The following BTBD9 variants were observed in gnomAD, a reference collection of about 807,000 sequenced individuals.
The protein encoded by BTBD9 is BTB/POZ domain-containing protein 9.
BTBD9 carries 49 observed loss-of-function variants against 64.3 expected under a neutral mutation model. The ratio of observed to expected loss-of-function variants is 0.76; its 90% CI spans 0.61 to 0.97. BTBD9 has a LOEUF of 0.97. Among genes scored for constraint, BTBD9 ranks in the 50% least tolerant of loss-of-function variants. BTBD9 has a pLI of 0.00. For synonymous variants in BTBD9, 260 were observed against 274.7 expected (o/e 0.95, Z 0.53); for missense variants, 598 against 762.1 (o/e 0.78, Z 2.53).
chr6:38,344,745 C>A (rs1456319589), intron 7 of BTBD9, among the ~76,000 whole-genome samples: 1 of 152,180 alleles, frequency 6.6e-6, no homozygotes, highest in East Asian at 1.9e-4. Flanking sequence ...GAATGAATTA[C>A]TAAAATATTT....
At chr6:38,223,611 A>T (rs746118177) in intron 9 of BTBD9, among the ~76,000 whole-genome samples, 5 of 152,158 alleles carry the variant, frequency 3.3e-5, no homozygotes, top group Non-Finnish European at 7.3e-5. Flanking sequence ...GTGCTAGATT[A>T]TAGGTGTGAA....
intron 6 of BTBD9, among the ~76,000 whole-genome samples, chr6:38,445,847 G>A (rs1031002738): frequency 6.6e-6 from 1 of 152,154 alleles, no homozygotes; most frequent in Non-Finnish European, 1.5e-5. Flanking sequence ...AAGGACAAAA[G>A]GCCACATGCT....
At chr6:38,588,554 G>C in intron 4 of BTBD9, 1 of 634,132 alleles carries the variant, frequency 1.6e-6, no homozygotes, top group Non-Finnish European at 2.4e-6. Flanking sequence ...ACCAATTAAT[G>C]TAGCTGCTAG....
At chr6:38,451,450 G>A (rs1488999612) in intron 6 of BTBD9, among the ~76,000 whole-genome samples, 2 of 152,120 alleles carry the variant, frequency 1.3e-5, no homozygotes, top group Admixed American at 1.3e-4. Context: ...TTCTTTCAGC[G>A]TTCTCAGGTA....
At chr6:38,588,296 C>A in intron 4 of BTBD9, 1 of 1,103,720 alleles carries the variant, frequency 9.1e-7, no homozygotes, top group Non-Finnish European at 1.4e-6. Context: ...CAGTACCAGG[C>A]AAGCAATTAT....
rs149546304 is a variant in BTBD9, at chr6:38,441,903, T to G, written c.1155-96810A>C. Among the ~76,000 whole-genome samples the G allele has an allele frequency of 3.1e-3, 474 of 152,242 alleles. 2 individuals are homozygous for G. The highest frequency in any genetic ancestry group is 0.011 in the African/African-American group (453 of 41,546). Reference sequence around the variant, plus strand: ...AAAGTTAAAGTCATACAGTTATACCTAAAGGTATACAACTAGAAAGTACAG... The same window carrying G: ...AAAGTTAAAGTCATACAGTTATACCGAAAGGTATACAACTAGAAAGTACAG... On this transcript the variant is annotated intron_variant, in intron 6 of 10. Coordinates refer to ENST00000481247, the MANE Select transcript of BTBD9 (RefSeq NM_001099272.2).
intron 4 of BTBD9, among the ~76,000 whole-genome samples, chr6:38,586,196 T>C (rs1476431591): frequency 6.6e-6 from 1 of 152,156 alleles, no homozygotes; most frequent in East Asian, 1.9e-4. Context: ...CTTTTTAGGA[T>C]AGATAGAAAT....
At chr6:38,491,011 G>A (rs1197726606) in intron 6 of BTBD9, among the ~76,000 whole-genome samples, 5 of 152,186 alleles carry the variant, frequency 3.3e-5, no homozygotes, top group African/African-American at 9.7e-5. Flanking sequence ...GATCCAAAAG[G>A]GATGTGGATG....
At chr6:38,536,371 C>T (rs1369254439) in intron 6 of BTBD9, among the ~76,000 whole-genome samples, 1 of 152,112 alleles carries the variant, frequency 6.6e-6, no homozygotes, top group East Asian at 1.9e-4. Flanking sequence ...TCGTACACTG[C>T]TGGTGGAAAT....
intron 6 of BTBD9, among the ~76,000 whole-genome samples, chr6:38,464,024 C>G (rs183163385): frequency 1.3e-5 from 2 of 151,314 alleles, no homozygotes; most frequent in East Asian, 1.9e-4. Context: ...AAAGTGAGAC[C>G]GTCTCAAAAA....
chr6:38,614,971 T>C (rs2127516983), intron 1 of BTBD9, among the ~76,000 whole-genome samples: 1 of 152,366 alleles, frequency 6.6e-6, no homozygotes, highest in Admixed American at 6.5e-5. Flanking sequence ...TCCACGGCTC[T>C]TATCGTAAAA....
chr6:38,496,486 A>T (rs763440128), intron 6 of BTBD9, among the ~76,000 whole-genome samples: 23 of 151,946 alleles, frequency 1.5e-4, no homozygotes, highest in Admixed American at 3.9e-4. Flanking sequence ...CTACAAAAAA[A>T]AAATTAAATT....
intron 1 of BTBD9, among the ~76,000 whole-genome samples, chr6:38,617,298 T>C (rs1182695161): frequency 6.6e-6 from 1 of 152,062 alleles, no homozygotes; most frequent in Non-Finnish European, 1.5e-5. Flanking sequence ...ACTCTCAAGG[T>C]TACATCACCC....
rs998141012 is a variant in BTBD9 at position 38,614,258 on chromosome 6, C to T, written c.-27-16137G>A. 2.6e-5 allele frequency among the ~76,000 whole-genome samples: 4 copies of T among 152,140 alleles called. No homozygotes were observed. In the East Asian group the frequency reaches 7.7e-4, roughly 29 times the overall value. On this transcript the variant is annotated intron_variant, in intron 1 of 10. Transcript: ENST00000481247. ...GTCACCTCTTCTGTCAGATTCTGTT[C>T]CCCCATCACCGCCCCTATCATACCT...
intron 6 of BTBD9, among the ~76,000 whole-genome samples, chr6:38,370,681 T>A (rs1163027642): frequency 1.3e-5 from 2 of 152,250 alleles, no homozygotes; most frequent in African/African-American, 4.8e-5. Context: ...CAGTTATTTT[T>A]AAATCAGATT....
intron 6 of BTBD9, among the ~76,000 whole-genome samples, chr6:38,549,701 T>C (rs1034659433): frequency 6.6e-6 from 1 of 152,194 alleles, no homozygotes; most frequent in African/African-American, 2.4e-5. Flanking sequence ...ACCACCCTAC[T>C]GCTTTCCTTT....
At chr6:38,182,984 T>C (rs1722297493) in intron 10 of BTBD9, among the ~76,000 whole-genome samples, 1 of 150,292 alleles carries the variant, frequency 6.7e-6, no homozygotes, top group Non-Finnish European at 1.5e-5. Flanking sequence ...AGGTCTTCTT[T>C]TTTTTTTTTT....
intron 6 of BTBD9, among the ~76,000 whole-genome samples, chr6:38,443,186 G>GA (rs1258129179): frequency 6.6e-6 from 1 of 152,138 alleles, no homozygotes; most frequent in Non-Finnish European, 1.5e-5. Context: ...TATCAGAGAA[G>GA]AAAAATTCAG....
intron 6 of BTBD9, among the ~76,000 whole-genome samples, chr6:38,413,556 GCTC>G (rs1767534685): frequency 6.6e-6 from 1 of 152,052 alleles, no homozygotes; most frequent in Admixed American, 6.6e-5. Flanking sequence ...CATCTAGATT[GCTC>G]TTCTCTAGAC....
Sources: allele counts gnomAD v4.1 joint callset (sites outside exome capture counted in the v4.1 genomes callset), GRCh38; gene constraint gnomAD v4.1.1; transcripts MANE v1.5; gene names NCBI Gene and HGNC (gene_info 2026-07-23, HGNC 2026-07-21).